C6orf47: variants seen among roughly 807,000 people sequenced by gnomAD.
The protein encoded by C6orf47 is chromosome 6 open reading frame 47.
Under a neutral mutation model 5.6 loss-of-function variants are expected in C6orf47, and 1 was observed. The ratio of observed to expected loss-of-function variants is 0.18; its 90% CI spans 0.06 to 0.85. The LOEUF (loss-of-function observed/expected upper bound fraction) is 0.85, where lower values mean the gene tolerates loss of function less well. Among genes scored for constraint, C6orf47 ranks in the 40% least tolerant of loss-of-function variants. The pLI is 0.70. For synonymous variants in C6orf47, 149 were observed against 161.7 expected (o/e 0.92, Z 0.60); for missense variants, 323 against 367.1 (o/e 0.88, Z 0.98).
Position 31,658,773 on chromosome 6 carries a change from T to G in C6orf47, c.*290A>C. On this transcript the variant is annotated 3_prime_UTR_variant, in exon 1 of 1. Transcript: ENST00000375911. ...CTTTATTCACCACCATCATACTTTT[T>G]TTTTTTTTTGCTTTTAAAAAGTGGA... 3.3e-6 allele frequency: 1 copy of G among 302,826 alleles called. No individual in the cohort carries two copies. Among genetic ancestry groups the G allele is most frequent in the Non-Finnish European group, 6.0e-6 (1 of 165,432 alleles). The allele number at this position is 302,826 out of a possible 1,614,324, so 18.8% of individuals were successfully genotyped here. A position where few individuals can be genotyped will look rare whatever the true frequency, so the allele number is the denominator to read the frequency against.
Position 31,659,367 on chromosome 6 carries a change from AG to A in C6orf47, c.580del (p.Leu194CysfsTer43). On this transcript the variant is annotated frameshift_variant, in exon 1 of 1. Transcript: ENST00000375911. LOFTEE classifies it high-confidence loss of function. The surrounding 1 kb of genome is among the most constrained non-coding windows in gnomAD (Gnocchi z 5.6). ...CAGTGGTCGTGAGCACAGGGCCAGC[AG>A]GGCAGAGGCCAGCAGCTCCAGAAGA... ...LHLLELLASA[L>X]LALCSRPLRA... 1 of 1,613,060 alleles carries A rather than the reference AG, an allele frequency of 6.2e-7. No individual in the cohort carries two copies. The highest frequency in any genetic ancestry group is 8.5e-7 in the Non-Finnish European group (1 of 1,180,032).
rs1800637634 is a variant in C6orf47, at chr6:31,659,964, G to A, written c.-17C>T. The A allele has an allele frequency of 1.3e-6, 2 of 1,535,978 alleles. No homozygotes were observed. The highest frequency in any genetic ancestry group is 1.8e-6 in the Non-Finnish European group (2 of 1,140,288). On this transcript the variant is annotated 5_prime_UTR_variant, in exon 1 of 1. Transcript: ENST00000375911. This position sits in a 1 kb window ranked among gnomAD's most constrained non-coding sequence, Gnocchi z 5.6. ...CAGGAACATGGCTGGGGTGTGTAAT[G>A]GGCCCCCAAATTCTGAGGCTGCTTC... is the stretch of plus-strand genomic sequence containing the variant.
rs1339889081 is a variant in C6orf47 at position 31,659,637 on chromosome 6, C to T, written c.311G>A (p.Gly104Glu). 3 of 1,612,920 alleles carry T rather than the reference C, an allele frequency of 1.9e-6. No individual in the cohort carries two copies. The highest frequency in any genetic ancestry group is 2.5e-6 in the Non-Finnish European group (3 of 1,180,038). The change falls in exon 1 of 1, where the codon GGG becomes GAG. Residue 104 changes from glycine to glutamate, a missense_variant. By Grantham distance (98) the Gly-to-Glu change is moderately conservative. Transcript: ENST00000375911. This position sits in a 1 kb window ranked among gnomAD's most constrained non-coding sequence, Gnocchi z 5.6. ...DQPISSTQES[G>E]RLEAGGASPK... ...ACTGGCCCCTCCAGCCTCCAGTCTC[C>T]CAGACTCTTGAGTGCTAGAGATAGG...
chr6:31,660,374 T>G lies in C6orf47; in HGVS notation c.-427A>C. On this transcript the variant is annotated 5_prime_UTR_variant, in exon 1 of 1. Coordinates refer to ENST00000375911, the MANE Select transcript of C6orf47 (RefSeq NM_021184.4). This position sits in a 1 kb window ranked among gnomAD's most constrained non-coding sequence, Gnocchi z 4.7. Reference sequence around the variant, plus strand: ...ACTGGGGAGGCAGTGCTCCATCCAATAAAGCGGGCAGGAAGGTGGCCCCAG... The same window carrying G: ...ACTGGGGAGGCAGTGCTCCATCCAAGAAAGCGGGCAGGAAGGTGGCCCCAG... The G allele has an allele frequency of 4.9e-6, 1 of 202,358 alleles. No homozygotes were observed. Among genetic ancestry groups the G allele is most frequent in the Non-Finnish European group, 1.1e-5 (1 of 91,416 alleles). The allele number at this position is 202,358 out of a possible 1,614,324, so 12.5% of individuals were successfully genotyped here. A position where few individuals can be genotyped will look rare whatever the true frequency, so the allele number is the denominator to read the frequency against.
chr6:31,658,804 A>G lies in C6orf47; in HGVS notation c.*259T>C, dbSNP rs1338968816. Reference sequence around the variant, plus strand: ...TTTTGCTTTTAAAAAGTGGAGGTGGAAAAAAAAAAAAAACTGAAGGTGGGA... The same window carrying G: ...TTTTGCTTTTAAAAAGTGGAGGTGGGAAAAAAAAAAAAACTGAAGGTGGGA... On this transcript the variant is annotated 3_prime_UTR_variant, in exon 1 of 1. Coordinates refer to ENST00000375911, the MANE Select transcript of C6orf47 (RefSeq NM_021184.4). 6 of 207,408 alleles carry G rather than the reference A, an allele frequency of 2.9e-5. No individual in the cohort carries two copies. The highest frequency in any genetic ancestry group is 1.5e-4 in the South Asian group (1 of 6,472). The allele number at this position is 207,408 out of a possible 1,614,324, so 12.8% of individuals were successfully genotyped here.
Position 31,660,723 on chromosome 6 carries a change from G to C in C6orf47, c.-776C>G, listed in dbSNP as rs1415049008. 24 of 164,144 alleles carry C rather than the reference G, an allele frequency of 1.5e-4. No homozygotes were observed. In the Admixed American group the frequency reaches 1.6e-3, roughly 11 times the overall value. 10.2% of individuals were successfully genotyped at this position (164,144 alleles called of 1,614,324 possible). On this transcript the variant is annotated 5_prime_UTR_variant, in exon 1 of 1. Coordinates refer to ENST00000375911, the MANE Select transcript of C6orf47 (RefSeq NM_021184.4). This position sits in a 1 kb window ranked among gnomAD's most constrained non-coding sequence, Gnocchi z 4.7. The stretch of plus-strand genomic sequence containing the variant: ...CGCTCCCGGGCCCAGCGTCGGGGCC[G>C]CGGCCTTGGGGAGCCGCCGGGAGCC...
At position 31,659,816 on chromosome 6, in the gene C6orf47, A is replaced by G. The variant is rs755497677; in HGVS notation, c.132T>C (p.Asp44=). ...SSSENSGSDW[D]SAPETMEDVG... ...CATCTTCCATGGTTTCTGGGGCACT[A>G]TCCCAGTCACTTCCTGAATTCTCCG... The change falls in exon 1 of 1, where the codon GAT becomes GAC. Residue 44 remains aspartate, a synonymous_variant. Coordinates refer to ENST00000375911, the MANE Select transcript of C6orf47 (RefSeq NM_021184.4). The surrounding 1 kb of genome is among the most constrained non-coding windows in gnomAD (Gnocchi z 5.6). 3.1e-6 allele frequency: 5 copies of G among 1,612,982 alleles called. No homozygotes were observed. Among genetic ancestry groups the G allele is most frequent in the African/African-American group, 1.3e-5 (1 of 75,022 alleles).
Position 31,659,253 on chromosome 6 carries a change from A to G in C6orf47, c.695T>C (p.Leu232Pro). The change falls in exon 1 of 1, where the codon CTC becomes CCC. Residue 232 changes from leucine to proline, a missense_variant. Physicochemically the swap from Leu to Pro is moderately conservative, Grantham distance 98. Transcript: ENST00000375911. The surrounding 1 kb of genome is among the most constrained non-coding windows in gnomAD (Gnocchi z 5.6). Reference protein sequence around the residue: ...LLSFLAALHGLHAVLSLLTAH... With the variant: ...LLSFLAALHGPHAVLSLLTAH... Reference sequence around the variant, plus strand: ...AGTAAGTAGGCTCAGAACAGCATGGAGCCCATGCAGGGCAGCCAGGAAGGA... The same window carrying G: ...AGTAAGTAGGCTCAGAACAGCATGGGGCCCATGCAGGGCAGCCAGGAAGGA... 6.2e-7 allele frequency: 1 copy of G among 1,612,978 alleles called. No homozygotes were observed. Among genetic ancestry groups the G allele is most frequent in the Admixed American group, 1.7e-5 (1 of 60,018 alleles).
rs761760799 is a variant in C6orf47 at position 31,659,876 on chromosome 6, C to T, written c.72G>A (p.Pro24=). ...CCACCCGTCTGGGTTCTGGGTAAGGCGGGTCAGGCCTCATTGGTTTCCGGC... is the reference window on the plus strand; with the variant it reads ...CCACCCGTCTGGGTTCTGGGTAAGGTGGGTCAGGCCTCATTGGTTTCCGGC... ...WGRRKPMRPD[P]PYPEPRRVDS... Residue 24 remains proline (P), a synonymous_variant, in exon 1 of 1, where the codon CCG becomes CCA. Transcript: ENST00000375911. This position sits in a 1 kb window ranked among gnomAD's most constrained non-coding sequence, Gnocchi z 5.6. 3 of 1,610,812 alleles carry T rather than the reference C, an allele frequency of 1.9e-6. No individual in the cohort carries two copies. Among genetic ancestry groups the T allele is most frequent in the South Asian group, 1.1e-5 (1 of 90,636 alleles).
At position 31,660,031 on chromosome 6, in the gene C6orf47, G is replaced by C. The variant is rs1300274544; in HGVS notation, c.-84C>G. 1 of 1,418,234 alleles carries C rather than the reference G, an allele frequency of 7.1e-7. No homozygotes were observed. The highest frequency in any genetic ancestry group is 9.4e-7 in the Non-Finnish European group (1 of 1,065,220). 87.9% of individuals were successfully genotyped at this position (1,418,234 alleles called of 1,614,324 possible). A position where few individuals can be genotyped will look rare whatever the true frequency, so the allele number is the denominator to read the frequency against. On this transcript the variant is annotated 5_prime_UTR_variant, in exon 1 of 1. Coordinates refer to ENST00000375911, the MANE Select transcript of C6orf47 (RefSeq NM_021184.4). The surrounding 1 kb of genome is among the most constrained non-coding windows in gnomAD (Gnocchi z 4.7). ...TCTCAGGATCTCCTCAGAAGCCAGA[G>C]TCTTTCTGGCTCAGAACAGGTATTT...
rs1272999862 is a variant in C6orf47, at chr6:31,658,333, T to A, written c.*730A>T. On this transcript the variant is annotated 3_prime_UTR_variant, in exon 1 of 1. Coordinates refer to ENST00000375911, the MANE Select transcript of C6orf47 (RefSeq NM_021184.4). The stretch of plus-strand genomic sequence containing the variant: ...TCAGTAAGAACAGAGTGGCAGTAAC[T>A]CTCACTTTGTAGTGGTATATTTAGG... 6 of 582,052 alleles carry A rather than the reference T, an allele frequency of 1.0e-5. No individual in the cohort carries two copies. The allele number at this position is 582,052 out of a possible 1,614,324, so 36.1% of individuals were successfully genotyped here. A position where few individuals can be genotyped will look rare whatever the true frequency, so the allele number is the denominator to read the frequency against.
At position 31,659,689 on chromosome 6, in the gene C6orf47, T is replaced by G; in HGVS notation, c.259A>C (p.Arg87=). 3.7e-6 allele frequency: 6 copies of G among 1,613,084 alleles called. No individual in the cohort carries two copies. Among genetic ancestry groups the G allele is most frequent in the Non-Finnish European group, 5.1e-6 (6 of 1,180,022 alleles). ...EPQVEQLGSK[R]MDSLKWDQPI... is the part of the protein sequence containing the mutation. ...TGGTCCCACTTGAGGGAATCCATTC[T>G]TTTGCTCCCTAGCTGCTCAACTTGG... The change falls in exon 1 of 1, where the codon AGA becomes CGA. Residue 87 remains arginine (R), a synonymous_variant. Transcript: ENST00000375911. The surrounding 1 kb of genome is among the most constrained non-coding windows in gnomAD (Gnocchi z 5.6).
rs751686915 is a variant in C6orf47 at position 31,659,383 on chromosome 6, G to C, written c.565C>G (p.Leu189Val). Residue 189 changes from leucine (L) to valine (V), a missense_variant, in exon 1 of 1, where the codon CTG becomes GTG. Transcript: ENST00000375911. The surrounding 1 kb of genome is among the most constrained non-coding windows in gnomAD (Gnocchi z 5.6). ...AGGGCCAGCAGGGCAGAGGCCAGCA[G>C]CTCCAGAAGATGCAGGGTCAGGTTG... The part of the protein sequence containing the change: ...STNLTLHLLE[L>V]LASALLALCS... The C allele has an allele frequency of 2.5e-6, 4 of 1,613,122 alleles. No homozygotes were observed. Among genetic ancestry groups the C allele is most frequent in the Non-Finnish European group, 3.4e-6 (4 of 1,180,032 alleles).
In C6orf47 at chr6:31,659,069, C is replaced by A. The variant is rs1308123173; in HGVS notation, c.879G>T (p.Gly293=). Residue 293 remains glycine (G), a synonymous_variant, in exon 1 of 1, where the codon GGG becomes GGT. Transcript: ENST00000375911. This position sits in a 1 kb window ranked among gnomAD's most constrained non-coding sequence, Gnocchi z 5.6. ...GEEQRGDPGK[G]L Reference sequence around the variant, plus strand: ...CTTTGCCCCCACCCCACGGTCACAGCCCCTTTCCCGGGTCTCCCCTCTGCT... The same window carrying A: ...CTTTGCCCCCACCCCACGGTCACAGACCCTTTCCCGGGTCTCCCCTCTGCT... 6.2e-7 allele frequency: 1 copy of A among 1,611,500 alleles called. No individual in the cohort carries two copies. Among genetic ancestry groups the A allele is most frequent in the Non-Finnish European group, 8.5e-7 (1 of 1,179,180 alleles).
In C6orf47 at chr6:31,658,760, CCAT is replaced by C; in HGVS notation, c.*300_*302del. Reference sequence around the variant, plus strand: ...AGGACCCTTTGGTCTTTATTCACCACCATCATACTTTTTTTTTTTTTTGCTTTT... The same window carrying C: ...AGGACCCTTTGGTCTTTATTCACCACCATACTTTTTTTTTTTTTTGCTTTT... On this transcript the variant is annotated 3_prime_UTR_variant, in exon 1 of 1. Coordinates refer to ENST00000375911, the MANE Select transcript of C6orf47 (RefSeq NM_021184.4). The C allele has an allele frequency of 2.6e-6, 1 of 390,210 alleles. No individual in the cohort carries two copies. The highest frequency in any genetic ancestry group is 4.5e-6 in the Non-Finnish European group (1 of 221,508). 24.2% of individuals were successfully genotyped at this position (390,210 alleles called of 1,614,324 possible). A position where few individuals can be genotyped will look rare whatever the true frequency, so the allele number is the denominator to read the frequency against.
Position 31,659,042 on chromosome 6 carries a change from C to T in C6orf47, c.*21G>A, listed in dbSNP as rs1298947876. 3 of 1,605,980 alleles carry T rather than the reference C, an allele frequency of 1.9e-6. No individual in the cohort carries two copies. The highest frequency in any genetic ancestry group is 1.1e-5 in the South Asian group (1 of 90,206). On this transcript the variant is annotated 3_prime_UTR_variant, in exon 1 of 1. Transcript: ENST00000375911. This position sits in a 1 kb window ranked among gnomAD's most constrained non-coding sequence, Gnocchi z 5.6. ...TCTCCTAAAGCCCACACTCTCTTCA[C>T]CCTTTGCCCCCACCCCACGGTCACA...
chr6:31,659,187 T>C lies in C6orf47; in HGVS notation c.761A>G (p.Gln254Arg), dbSNP rs138688608. The change falls in exon 1 of 1, where the codon CAG becomes CGG. Residue 254 changes from glutamine (Q) to arginine (R), a missense_variant. Physicochemically the swap from Gln to Arg is conservative, Grantham distance 43. Transcript: ENST00000375911. The surrounding 1 kb of genome is among the most constrained non-coding windows in gnomAD (Gnocchi z 5.6). ...LHFACLFGLLQALVLAVSLRE... is the reference protein window; with the variant it reads ...LHFACLFGLLRALVLAVSLRE... ...GAGGCTGACAGCCAGCACCAAGGCC[T>C]GCAGGAGACCAAAGAGGCAGGCGAA... 8 of 1,612,918 alleles carry C rather than the reference T, an allele frequency of 5.0e-6. No homozygotes were observed. The African/African-American group carries it at 1.1e-4, about 22-fold the overall frequency.
chr6:31,658,768 CTTTTT>C lies in C6orf47; in HGVS notation c.*290_*294del. 1 of 232,106 alleles carries C rather than the reference CTTTTT, an allele frequency of 4.3e-6. No homozygotes were observed. The highest frequency in any genetic ancestry group is 7.8e-6 in the Non-Finnish European group (1 of 128,312). 14.4% of individuals were successfully genotyped at this position (232,106 alleles called of 1,614,324 possible). A position where few individuals can be genotyped will look rare whatever the true frequency, so the allele number is the denominator to read the frequency against. On this transcript the variant is annotated 3_prime_UTR_variant, in exon 1 of 1. Transcript: ENST00000375911. ...TTGGTCTTTATTCACCACCATCATA[CTTTTT>C]TTTTTTTTTGCTTTTAAAAAGTGGA...
In C6orf47 at chr6:31,659,054, A is replaced by T; in HGVS notation, c.*9T>A. Reference sequence around the variant, plus strand: ...CACACTCTCTTCACCCTTTGCCCCCACCCCACGGTCACAGCCCCTTTCCCG... The same window carrying T: ...CACACTCTCTTCACCCTTTGCCCCCTCCCCACGGTCACAGCCCCTTTCCCG... On this transcript the variant is annotated 3_prime_UTR_variant, in exon 1 of 1. Coordinates refer to ENST00000375911, the MANE Select transcript of C6orf47 (RefSeq NM_021184.4). This position sits in a 1 kb window ranked among gnomAD's most constrained non-coding sequence, Gnocchi z 5.6. 1 of 1,608,248 alleles carries T rather than the reference A, an allele frequency of 6.2e-7. No homozygotes were observed. Among genetic ancestry groups the T allele is most frequent in the Non-Finnish European group, 8.5e-7 (1 of 1,177,418 alleles).
Sources: allele counts gnomAD v4.1 joint callset, GRCh38; gene constraint gnomAD v4.1.1; non-coding constraint Gnocchi (gnomAD v3.1); transcripts MANE v1.5; gene names NCBI Gene and HGNC (gene_info 2026-07-23, HGNC 2026-07-21).